Variants in RXYLT1 observed in about 807,000 individuals in gnomAD.
The protein encoded by RXYLT1 is ribitol xylosyltransferase 1, also known as ribitol-5-phosphate xylosyltransferase 1.
A neutral mutation model predicts 43.5 loss-of-function variants in RXYLT1; 41 were observed. The observed-to-expected ratio is 0.94, with a 90% CI of 0.73 to 1.22. RXYLT1 has a LOEUF of 1.22. Among genes scored for constraint, RXYLT1 ranks in the 50% most tolerant of loss-of-function variants. The pLI is 0.00. For synonymous variants in RXYLT1, 166 were observed against 194.4 expected (o/e 0.85, Z 1.21); for missense variants, 514 against 532.0 (o/e 0.97, Z 0.33).
chr12:63,795,278 CA>C (rs1026424406), intron 3 of RXYLT1, among the ~76,000 whole-genome samples: 1 of 145,544 alleles, frequency 6.9e-6, no homozygotes, highest in Non-Finnish European at 1.5e-5. Flanking sequence ...GACCCTGTGT[CA>C]AAAAAAAAGA....
chr12:63,780,238 G>A, intron 1 of RXYLT1, 109 bp downstream of exon 1: 12 of 1,386,242 alleles, frequency 8.7e-6, no homozygotes, highest in Non-Finnish European at 1.0e-5. Flanking sequence ...ATTACCCGCA[G>A]GGCCTGAGAA....
At chr12:63,796,754 A>G (rs528631072) in intron 3 of RXYLT1, among the ~76,000 whole-genome samples, 66 of 152,264 alleles carry the variant, frequency 4.3e-4, no homozygotes, top group Non-Finnish European at 8.7e-4. Context: ...CAACCAAGAA[A>G]ACCTCATAAA....
intron 3 of RXYLT1, among the ~76,000 whole-genome samples, chr12:63,790,003 A>G (rs954116481): frequency 2.0e-5 from 3 of 152,236 alleles, no homozygotes; most frequent in Non-Finnish European, 1.5e-5. Context: ...ACGAGCTTAT[A>G]TCATTTAATT....
rs570832026 is a variant in RXYLT1 at position 63,791,130 on chromosome 12, G to A, written c.428+6058G>A. On this transcript the variant is annotated intron_variant, in intron 3 of 5. Transcript: ENST00000261234. ...TCAATTAAGTTTTAAGCTAGCCTGA[G>A]ACCCATTCTGTCTCTTGAAGGAACT... is the stretch of plus-strand genomic sequence containing the variant. Among the ~76,000 whole-genome samples the A allele has an allele frequency of 1.4e-3, 208 of 152,232 alleles. 1 individual carries two copies. Among genetic ancestry groups the A allele is most frequent in the Non-Finnish European group, 2.4e-3 (162 of 68,018 alleles).
At chr12:63,781,637 G>T (rs1897686455) in intron 2 of RXYLT1, among the ~76,000 whole-genome samples, 2 of 152,200 alleles carry the variant, frequency 1.3e-5, no homozygotes, top group South Asian at 4.1e-4. Flanking sequence ...CATTGTATCA[G>T]CGAAGGAATA....
chr12:63,781,563 G>A (rs1321075435), intron 2 of RXYLT1, among the ~76,000 whole-genome samples: 1 of 152,216 alleles, frequency 6.6e-6, no homozygotes, highest in Non-Finnish European at 1.5e-5. Context: ...ACACTGAAGA[G>A]TACAAAGTTA....
At chr12:63,804,172 C>T (rs1309230819) in intron 4 of RXYLT1, 1 of 152,232 alleles carries the variant, frequency 6.6e-6, no homozygotes, top group Non-Finnish European at 1.5e-5. Context: ...TTTTGATTGT[C>T]ACAACTGGAG....
rs778077083 is a variant in RXYLT1 at position 63,809,053 on chromosome 12, T to A, written c.1293T>A (p.Asn431Lys). 1.9e-6 allele frequency: 3 copies of A among 1,567,452 alleles called. No individual in the cohort carries two copies. In the Admixed American group the frequency reaches 6.1e-5, roughly 32 times the overall value. The change falls in exon 6 of 6, where the codon AAT becomes AAA. Residue 431 changes from asparagine to lysine, a missense_variant. Transcript: ENST00000261234. ...CAGAGCTTAAAATGAAATTTACTAA[T>A]ATTTTAGAAAGCTCATTTTTAATGA... ...FKTELKMKFT[N>K]ILESSFLMNN...
chr12:63,781,219 A>G, intron 2 of RXYLT1, 45 bp downstream of exon 2: 1 of 1,381,068 alleles, frequency 7.2e-7, no homozygotes, highest in South Asian at 1.9e-5. Flanking sequence ...GCATTATAAA[A>G]TGTATTTTAT....
chr12:63,795,877 A>T (rs1348686018), intron 3 of RXYLT1, among the ~76,000 whole-genome samples: 1 of 152,194 alleles, frequency 6.6e-6, no homozygotes, highest in Non-Finnish European at 1.5e-5. Context: ...TTTTTGAAAT[A>T]ATTTTAGACT....
At chr12:63,800,679 G>C (rs1898139087) in intron 3 of RXYLT1, among the ~76,000 whole-genome samples, 2 of 152,120 alleles carry the variant, frequency 1.3e-5, no homozygotes, top group Non-Finnish European at 2.9e-5. Flanking sequence ...CCAGCACGTT[G>C]GAAGGCCAAG....
chr12:63,799,454 C>G (rs917802806), intron 3 of RXYLT1, among the ~76,000 whole-genome samples: 2 of 151,616 alleles, frequency 1.3e-5, no homozygotes, highest in African/African-American at 4.8e-5. Flanking sequence ...CCATGCCCAG[C>G]TAATTTTTGT....
Position 63,808,778 on chromosome 12 carries a change from C to G in RXYLT1, c.1018C>G (p.Arg340Gly). Reference sequence around the variant, plus strand: ...GGTCGGAGTAAACACAGAATGCTATCGAATCTATGAGGCTTGCTCCTATGG... The same window carrying G: ...GGTCGGAGTAAACACAGAATGCTATGGAATCTATGAGGCTTGCTCCTATGG... Reference protein sequence around the residue: ...CPVGVNTECYRIYEACSYGSI... With the variant: ...CPVGVNTECYGIYEACSYGSI... Residue 340 changes from arginine to glycine, a missense_variant, in exon 6 of 6, where the codon CGA becomes GGA. Physicochemically the swap from Arg to Gly is moderately radical, Grantham distance 125. Transcript: ENST00000261234. The G allele has an allele frequency of 1.2e-6, 2 of 1,613,250 alleles. No homozygotes were observed. Among genetic ancestry groups the G allele is most frequent in the Non-Finnish European group, 1.7e-6 (2 of 1,179,890 alleles).
At chr12:63,780,937 C>A in intron 1 of RXYLT1, 82 bp from the exon 2 acceptor site, 1 of 1,199,180 alleles carries the variant, frequency 8.3e-7, no homozygotes, top group Non-Finnish European at 1.1e-6. Context: ...GAAATTAGAA[C>A]TAACACTTAA....
intron 2 of RXYLT1, 80 bp downstream of exon 2, chr12:63,781,254 A>G: frequency 7.8e-7 from 1 of 1,288,816 alleles, no homozygotes; most frequent in Non-Finnish European, 1.0e-6. Flanking sequence ...TTTTAATATA[A>G]TTTATTTCAT....
chr12:63,803,434 A>T (rs1035528490), intron 4 of RXYLT1, among the ~76,000 whole-genome samples: 5 of 152,088 alleles, frequency 3.3e-5, no homozygotes, highest in African/African-American at 9.7e-5. Context: ...TGGATAAATT[A>T]TGAAAAATCT....
intron 2 of RXYLT1, among the ~76,000 whole-genome samples, chr12:63,784,045 G>C (rs1446224572): frequency 1.3e-5 from 2 of 152,100 alleles, no homozygotes; most frequent in African/African-American, 4.8e-5. Context: ...GGCCCACCTA[G>C]ATAATCTATA....
chr12:63,787,842 C>A (rs1026763351), intron 3 of RXYLT1, among the ~76,000 whole-genome samples: 1 of 152,138 alleles, frequency 6.6e-6, no homozygotes, highest in African/African-American at 2.4e-5. Flanking sequence ...GGCCAGGTCT[C>A]CTGTCTCGGA....
intron 3 of RXYLT1, among the ~76,000 whole-genome samples, chr12:63,788,812 CT>C (rs1242878786): frequency 1.4e-4 from 21 of 152,166 alleles, no homozygotes; most frequent in African/African-American, 5.1e-4. Flanking sequence ...AGAACTTTTC[CT>C]TTGCATTCCC....
Sources: allele counts gnomAD v4.1 joint callset (sites outside exome capture counted in the v4.1 genomes callset), GRCh38; gene constraint gnomAD v4.1.1; transcripts MANE v1.5; gene names NCBI Gene and HGNC (gene_info 2026-07-23, HGNC 2026-07-21).